The following KIAA1549L variants were observed in gnomAD, a reference collection of about 807,000 sequenced individuals.
The protein encoded by KIAA1549L is KIAA1549 like, also known as UPF0606 protein KIAA1549L.
KIAA1549L carries 88 observed loss-of-function variants against 160.7 expected under a neutral mutation model. The observed-to-expected ratio is 0.55, with a 90% confidence interval of 0.46 to 0.65. The LOEUF is 0.65. Among genes scored for constraint, KIAA1549L ranks in the 30% least tolerant of loss-of-function variants. The pLI, the probability that KIAA1549L is intolerant of heterozygous loss-of-function variation, is 0.00. For synonymous variants in KIAA1549L, 950 were observed against 976.7 expected (o/e 0.97, Z 0.51); for missense variants, 2,258 against 2,437.5 (o/e 0.93, Z 1.55).
At chr11:33,531,449 G>C (rs2133150724) in intron 1 of KIAA1549L, among the ~76,000 whole-genome samples, 1 of 152,244 alleles carries the variant, frequency 6.6e-6, no homozygotes, top group Admixed American at 6.5e-5. Flanking sequence ...ACTCCAGCCT[G>C]TGCGAGGAAT....
intron 7 of KIAA1549L, among the ~76,000 whole-genome samples, chr11:33,560,875 G>A (rs7945168): frequency 0.3 from 46,090 of 151,992 alleles, 7,847 homozygotes; most frequent in African/African-American, 0.46. Context: ...TTTTGTAAAC[G>A]TCCACATAAT....
At chr11:33,557,190 T>G (rs567275541) in intron 6 of KIAA1549L, among the ~76,000 whole-genome samples, 22 of 152,268 alleles carry the variant, frequency 1.4e-4, no homozygotes, top group Admixed American at 5.9e-4. Context: ...GATTTTGCCA[T>G]GTTGCCCAGG....
chr11:33,650,171 T>C (rs1851845045), intron 17 of KIAA1549L, among the ~76,000 whole-genome samples: 1 of 152,204 alleles, frequency 6.6e-6, no homozygotes, highest in Non-Finnish European at 1.5e-5. Context: ...TCTATCTATC[T>C]GGGCCAGATT....
At chr11:33,429,815 C>A (rs1011593988) in intron 1 of KIAA1549L, among the ~76,000 whole-genome samples, 1 of 152,124 alleles carries the variant, frequency 6.6e-6, no homozygotes, top group Non-Finnish European at 1.5e-5. Context: ...GGACTTGGAT[C>A]CCTGCTCACA....
rs1409255320 is a variant in KIAA1549L at position 33,542,633 on chromosome 11, C to A, written c.1070C>A (p.Pro357His). 1.2e-6 allele frequency: 2 copies of A among 1,613,904 alleles called. No homozygotes were observed. Among genetic ancestry groups the A allele is most frequent in the Non-Finnish European group, 1.7e-6 (2 of 1,179,852 alleles). ...PMAELSHPSP[P>H]PPALGSLLQL... ...GCAGAACTGTCCCATCCGTCTCCCC[C>A]TCCCCCAGCACTTGGAAGTCTTCTT... Residue 357 changes from proline (P) to histidine (H), a missense_variant, in exon 2 of 21, where the codon CCT becomes CAT. Transcript: ENST00000658780.
At chr11:33,606,576 A>G in intron 13 of KIAA1549L, 65 bp from the exon 14 acceptor site, 2 of 1,520,432 alleles carry the variant, frequency 1.3e-6, no homozygotes, top group Non-Finnish European at 1.8e-6. Flanking sequence ...AGTCTAACAT[A>G]AATTCTCCTG....
intron 19 of KIAA1549L, among the ~76,000 whole-genome samples, chr11:33,660,531 C>T (rs1311023126): frequency 6.6e-6 from 1 of 151,910 alleles, no homozygotes; most frequent in Admixed American, 6.6e-5. Flanking sequence ...CGACACTGCA[C>T]TCCAGCCTGG....
intron 15 of KIAA1549L, among the ~76,000 whole-genome samples, chr11:33,611,198 G>A (rs1054293300): frequency 1.4e-4 from 22 of 152,012 alleles, no homozygotes; most frequent in African/African-American, 4.4e-4. Context: ...ATGATTTGAG[G>A]CCACCTCTTT....
chr11:33,658,042 A>G (rs1167411053), intron 18 of KIAA1549L, among the ~76,000 whole-genome samples: 1 of 152,202 alleles, frequency 6.6e-6, no homozygotes. Context: ...GTGAAGGAAA[A>G]TGGTCTGTGG....
intron 11 of KIAA1549L, among the ~76,000 whole-genome samples, chr11:33,584,180 C>G (rs1855737278): frequency 6.6e-6 from 1 of 152,246 alleles, no homozygotes; most frequent in Admixed American, 6.5e-5. Flanking sequence ...TTGGACTTCT[C>G]AGCCTCCAGA....
At chr11:33,667,842 C>A in intron 20 of KIAA1549L, 31 bp from the exon 21 acceptor site, 1 of 1,582,192 alleles carries the variant, frequency 6.3e-7, no homozygotes, top group African/African-American at 1.3e-5. Context: ...TCATGCCAGG[C>A]CCTGTCCTTC....
chr11:33,525,950 C>T (rs567647674), intron 1 of KIAA1549L, among the ~76,000 whole-genome samples: 1 of 152,070 alleles, frequency 6.6e-6, no homozygotes, highest in African/African-American at 2.4e-5. Flanking sequence ...CTGCCTCCCC[C>T]ACATTCCCCA....
At chr11:33,661,315 C>T (rs1163761651) in intron 20 of KIAA1549L, among the ~76,000 whole-genome samples, 2 of 152,216 alleles carry the variant, frequency 1.3e-5, no homozygotes, top group African/African-American at 4.8e-5. Context: ...ATCTACTAGA[C>T]ACCTTGTCAG....
At chr11:33,631,431 C>T (rs114071244) in intron 16 of KIAA1549L, among the ~76,000 whole-genome samples, 3,153 of 152,288 alleles carry the variant, frequency 0.021, 126 homozygotes, top group African/African-American at 0.07. Context: ...GGCTGCTCAG[C>T]CTCCTCGCTG....
chr11:33,563,804 T>A (rs573979218), intron 8 of KIAA1549L, among the ~76,000 whole-genome samples: 29 of 152,302 alleles, frequency 1.9e-4, no homozygotes, highest in African/African-American at 7.0e-4. Flanking sequence ...TGGTGTTTTT[T>A]TTAACATGGA....
chr11:33,640,801 T>C (rs543233081), intron 16 of KIAA1549L, among the ~76,000 whole-genome samples: 3 of 152,364 alleles, frequency 2.0e-5, no homozygotes, highest in East Asian at 3.9e-4. Flanking sequence ...TTTATTGAAG[T>C]ATATCTTGAT....
rs538689397 is a variant in KIAA1549L, at chr11:33,633,473, C to A, written c.5410-12213C>A. Among the ~76,000 whole-genome samples the A allele has an allele frequency of 2.0e-5, 3 of 151,956 alleles. No homozygotes were observed. The East Asian group carries it at 5.8e-4, about 29-fold the overall frequency. On this transcript the variant is annotated intron_variant, in intron 16 of 20. Transcript: ENST00000658780. ...TGCATCCGTCTGGTTTTTTCAAGAGCTGAAGAGGTGAAAGGGCAGACTTGA... is the reference window on the plus strand; with the variant it reads ...TGCATCCGTCTGGTTTTTTCAAGAGATGAAGAGGTGAAAGGGCAGACTTGA...
At chr11:33,423,174 T>A (rs541588282) in intron 1 of KIAA1549L, among the ~76,000 whole-genome samples, 1 of 152,178 alleles carries the variant, frequency 6.6e-6, no homozygotes, top group Non-Finnish European at 1.5e-5. Flanking sequence ...AAAAATAAAC[T>A]CATACTAACT....
intron 1 of KIAA1549L, among the ~76,000 whole-genome samples, chr11:33,458,061 C>T (rs1275539883): frequency 6.6e-6 from 1 of 152,256 alleles, no homozygotes; most frequent in Non-Finnish European, 1.5e-5. Flanking sequence ...CTCTGAGGCC[C>T]GAGGGATGAC....
Sources: gnomAD v4.1 joint callset for allele counts (sites outside exome capture counted in the v4.1 genomes callset) on GRCh38, gnomAD v4.1.1 for gene constraint, MANE v1.5 for transcripts, NCBI Gene and HGNC (gene_info 2026-07-23, HGNC 2026-07-21) for gene names.